COL18A1: variants seen among roughly 807,000 people sequenced by gnomAD.
COL18A1 encodes collagen type XVIII alpha 1 chain, also known as collagen alpha-1(XVIII) chain.
A neutral mutation model predicts 168.0 loss-of-function variants in COL18A1; 133 were observed. The observed-to-expected ratio is 0.79, with a 90% CI of 0.69 to 0.91. The LOEUF is 0.91. Ranked by LOEUF, COL18A1 falls within the 40% of genes least tolerant of loss-of-function variation. COL18A1 has a pLI of 0.00. For missense variants in COL18A1, 2,126 were observed against 1,925.4 expected, an observed-to-expected ratio of 1.10 and a Z score of -1.95; for synonymous variants, 949 against 809.0, an observed-to-expected ratio of 1.17 and a Z score of -2.94.
chr21:45,497,820 G>C (rs2036593308), intron 32 of COL18A1, 159 bp downstream of exon 32: 1 of 956,532 alleles, frequency 1.0e-6, no homozygotes, highest in South Asian at 1.5e-5. Flanking sequence ...GGGTTGATGG[G>C]GGCCTCATAG....
At chr21:45,502,448 C>A (rs1156901552) in intron 32 of COL18A1, 1 of 152,136 alleles carries the variant, frequency 6.6e-6, no homozygotes, top group Non-Finnish European at 1.5e-5. Context: ...GAACAAACAG[C>A]ATTTAAAGAA....
At chr21:45,446,524 A>G (rs978864175) in intron 2 of COL18A1, among the ~76,000 whole-genome samples, 2 of 152,258 alleles carry the variant, frequency 1.3e-5, no homozygotes, top group Non-Finnish European at 2.9e-5. Context: ...AAAAACACCC[A>G]TAAAGAAAAG....
chr21:45,482,082 G>A (rs951588854), intron 14 of COL18A1, 57 bp downstream of exon 14: 27 of 1,394,952 alleles, frequency 1.9e-5, no homozygotes, highest in Middle Eastern at 1.8e-4. Context: ...CATGTGGCCC[G>A]GGTCCGGGGG....
chr21:45,413,731 C>T (rs1569274447), intron 2 of COL18A1, among the ~76,000 whole-genome samples: 1 of 152,090 alleles, frequency 6.6e-6, no homozygotes, highest in Non-Finnish European at 1.5e-5. Flanking sequence ...TGTCCCTGGG[C>T]ACTGAGGGAA....
intron 2 of COL18A1, among the ~76,000 whole-genome samples, chr21:45,428,841 A>G (rs1367393148): frequency 6.6e-6 from 1 of 151,938 alleles, no homozygotes. Flanking sequence ...TACGTTTTAA[A>G]GCATGTTTTA....
chr21:45,482,066 C>A lies in COL18A1; in HGVS notation c.1674+41C>A, dbSNP rs1568910950. 2.0e-6 allele frequency: 3 copies of A among 1,528,050 alleles called. No homozygotes were observed. In the South Asian group the frequency reaches 3.4e-5, roughly 17 times the overall value. 94.7% of individuals were successfully genotyped at this position (1,528,050 alleles called of 1,614,324 possible). A position where few individuals can be genotyped will look rare whatever the true frequency, so the allele number is the denominator to read the frequency against. ...AGTCCAGGGTGAGTGGGAACCAGCA[C>A]CACACCATGTGGCCCGGGTCCGGGG... On this transcript the variant is annotated intron_variant, in intron 14 of 41. Transcript: ENST00000651438.
At chr21:45,416,424 G>A (rs181275567) in intron 2 of COL18A1, among the ~76,000 whole-genome samples, 7 of 151,708 alleles carry the variant, frequency 4.6e-5, no homozygotes, top group South Asian at 2.1e-4. Flanking sequence ...TGTGGGGACC[G>A]CGAGGCTCCG....
At chr21:45,409,225 A>G (rs1320893046) in intron 2 of COL18A1, among the ~76,000 whole-genome samples, 1 of 152,190 alleles carries the variant, frequency 6.6e-6, no homozygotes, top group African/African-American at 2.4e-5. Context: ...CCAACCCCAC[A>G]GCGAGATTTC....
Position 45,437,728 on chromosome 21 carries a change from GCACA to G in COL18A1, c.107-30506_107-30503del, listed in dbSNP as rs199799680. On this transcript the variant is annotated intron_variant, in intron 2 of 41. Coordinates refer to ENST00000651438, the MANE Select transcript of COL18A1 (RefSeq NM_001379500.1). ...CACTCAGACACACAGGCACTCTCCT[GCACA>G]CACACACTCACACACTCAGACACAG... Among the ~76,000 whole-genome samples the G allele has an allele frequency of 1.1e-4, 4 of 36,834 alleles. 1 individual carries two copies. The highest frequency in any genetic ancestry group is 1.8e-4 in the Non-Finnish European group (4 of 22,102). 24.2% of individuals were successfully genotyped at this position (36,834 alleles called of 152,430 possible). A position where few individuals can be genotyped will look rare whatever the true frequency, so the allele number is the denominator to read the frequency against.
intron 2 of COL18A1, among the ~76,000 whole-genome samples, chr21:45,427,592 G>A (rs972643661): frequency 1.3e-5 from 2 of 152,350 alleles, no homozygotes; most frequent in South Asian, 2.1e-4. Context: ...CCAGCACCAC[G>A]GCGGGCGGGG....
chr21:45,438,340 T>C (rs202219683), intron 2 of COL18A1, among the ~76,000 whole-genome samples: 2 of 14,972 alleles, frequency 1.3e-4, no homozygotes, highest in African/African-American at 5.2e-4. Flanking sequence ...ACACACACAC[T>C]CACACACTCA....
In COL18A1 at chr21:45,473,649, T is replaced by G. The variant is rs991432478; in HGVS notation, c.652-246T>G. Among the ~76,000 whole-genome samples the G allele has an allele frequency of 6.6e-6, 1 of 152,052 alleles. No homozygotes were observed. The highest frequency in any genetic ancestry group is 1.5e-5 in the Non-Finnish European group (1 of 67,988). On this transcript the variant is annotated intron_variant, in intron 3 of 41. Coordinates refer to ENST00000651438, the MANE Select transcript of COL18A1 (RefSeq NM_001379500.1). This position sits in a 1 kb window ranked among gnomAD's most constrained non-coding sequence, Gnocchi z 4.0. ...CATCAGCTGCCTCAGATGAGCCAAG[T>G]CTGAGGGAGCAGCCTCCGCCCAGCC...
chr21:45,507,697 A>C (rs2037305446), intron 38 of COL18A1, 104 bp downstream of exon 38: 2 of 1,101,700 alleles, frequency 1.8e-6, no homozygotes, highest in Admixed American at 3.9e-5. Flanking sequence ...GGAGTCCTGG[A>C]GCTGAACATG....
At chr21:45,480,257 C>T (rs1196211044) in intron 11 of COL18A1, 101 bp downstream of exon 11, 31 of 1,134,680 alleles carry the variant, frequency 2.7e-5, no homozygotes, top group Admixed American at 4.0e-5. Context: ...CAGGGGCTTG[C>T]GTGGGGTCTT....
chr21:45,504,225 G>A (rs1046197487), intron 33 of COL18A1, 171 bp downstream of exon 33: 12 of 929,854 alleles, frequency 1.3e-5, no homozygotes, highest in Admixed American at 6.3e-5. Context: ...TCCTGTCCCC[G>A]GCTCAGTTTT....
At chr21:45,436,171 C>T (rs79830426) in intron 2 of COL18A1, among the ~76,000 whole-genome samples, 9,820 of 152,304 alleles carry the variant, frequency 0.064, 561 homozygotes, top group African/African-American at 0.15. Flanking sequence ...TGCCATCCCT[C>T]TGGTGAATGC....
chr21:45,478,344 C>T lies in COL18A1; in HGVS notation c.1239C>T (p.Asp413=), dbSNP rs1045891098. Residue 413 remains aspartate (D), a synonymous_variant, in exon 9 of 42, where the codon GAC becomes GAT. Transcript: ENST00000651438. The part of the protein sequence containing the change: ...RDGEPGDPGE[D]GKPGDTGPQG... ...ACACCCAGGGCGACCCCGGTGAAGA[C>T]GGAAAGCCGGTGAGTCTGCTTTTCT... 2.7e-5 allele frequency: 43 copies of T among 1,614,034 alleles called. No homozygotes were observed. Among genetic ancestry groups the T allele is most frequent in the East Asian group, 4.5e-5 (2 of 44,888 alleles).
intron 2 of COL18A1, among the ~76,000 whole-genome samples, chr21:45,441,508 G>C (rs758116924): frequency 2.0e-5 from 3 of 152,166 alleles, no homozygotes; most frequent in Non-Finnish European, 1.5e-5. Flanking sequence ...GCCAGCTCCT[G>C]GCCTGGAGGT....
In COL18A1 at chr21:45,456,497, C is replaced by T. The variant is rs946925859; in HGVS notation, c.107-11745C>T. On this transcript the variant is annotated intron_variant, in intron 2 of 41. Coordinates refer to ENST00000651438, the MANE Select transcript of COL18A1 (RefSeq NM_001379500.1). ...GGGTCTTGCTAATAACTCTGCCCTG[C>T]TCGGGGCTGACCCCGAGGCCCCCGC... The T allele has an allele frequency of 9.0e-6, 14 of 1,548,320 alleles. No individual in the cohort carries two copies. Among genetic ancestry groups the T allele is most frequent in the African/African-American group, 6.9e-5 (5 of 72,992 alleles).
Sources: gnomAD v4.1 joint callset for allele counts (sites outside exome capture counted in the v4.1 genomes callset) on GRCh38, gnomAD v4.1.1 for gene constraint, Gnocchi (gnomAD v3.1) non-coding constraint, MANE v1.5 for transcripts, NCBI Gene and HGNC (gene_info 2026-07-23, HGNC 2026-07-21) for gene names.